Variants in EIF4E3 observed in about 807,000 individuals in gnomAD.
EIF4E3 encodes eukaryotic translation initiation factor 4E type 3.
Under a neutral mutation model 31.7 loss-of-function variants are expected in EIF4E3, and 26 were observed. The ratio of observed to expected loss-of-function variants is 0.82; its 90% CI spans 0.60 to 1.14. EIF4E3 has a LOEUF of 1.14. EIF4E3 is among the 50% of genes most tolerant of loss of function. EIF4E3 has a pLI of 0.00. For missense variants in EIF4E3, 304 were observed against 270.9 expected, an observed-to-expected ratio of 1.12 and a Z score of -0.86; for synonymous variants, 128 against 107.7, an observed-to-expected ratio of 1.19 and a Z score of -1.17.
chr3:71,705,072 T>C (rs1200050025), intron 2 of EIF4E3, among the ~76,000 whole-genome samples: 1 of 152,158 alleles, frequency 6.6e-6, no homozygotes, highest in Non-Finnish European at 1.5e-5. Context: ...TCTTTCTCTT[T>C]TCAGTGTTGG....
chr3:71,662,257 T>G, the EIF4E3 span, among the ~76,000 whole-genome samples: 1 of 152,140 alleles, frequency 6.6e-6, no homozygotes, highest in African/African-American at 2.4e-5. Flanking sequence ...GCTGGAAGTA[T>G]TCCCTCTGGA....
Position 71,676,925 on chromosome 3 carries a change from C to T in EIF4E3, c.*7757G>A, listed in dbSNP as rs2048878847. The T allele has an allele frequency of 6.6e-6, 1 of 152,128 alleles. No homozygotes were observed. The highest frequency in any genetic ancestry group is 2.1e-4 in the South Asian group (1 of 4,824). The allele number at this position is 152,128 out of a possible 1,614,324, so 9.4% of individuals were successfully genotyped here. On this transcript the variant is annotated 3_prime_UTR_variant, in exon 7 of 7. Transcript: ENST00000425534. ...TCAAATGTTTCCTAAGATCTGAAAC[C>T]TTTCTCTAGGTCCATACTTTATATA...
chr3:71,661,720 G>T, the EIF4E3 span, among the ~76,000 whole-genome samples: 1 of 152,200 alleles, frequency 6.6e-6, no homozygotes, highest in Non-Finnish European at 1.5e-5. Flanking sequence ...TAGACATCCT[G>T]ATTCAGATCT....
In EIF4E3 at chr3:71,700,903, T is replaced by C. The variant is rs2049207329; in HGVS notation, c.250-1195A>G. On this transcript the variant is annotated intron_variant, in intron 2 of 6. Coordinates refer to ENST00000425534, the MANE Select transcript of EIF4E3 (RefSeq NM_001134651.2). Reference sequence around the variant, plus strand: ...GGATGGTGTTAGCAGGTGGGGCCCCTGGGAGGTAATCAGGTCATGAGGGTA... The same window carrying C: ...GGATGGTGTTAGCAGGTGGGGCCCCCGGGAGGTAATCAGGTCATGAGGGTA... Among the ~76,000 whole-genome samples, 4 of 152,184 alleles carry C rather than the reference T, an allele frequency of 2.6e-5. No individual in the cohort carries two copies. The South Asian group carries it at 8.3e-4, about 32-fold the overall frequency.
At chr3:71,750,961 A>C (rs1388525640) in intron 1 of EIF4E3, among the ~76,000 whole-genome samples, 1 of 151,694 alleles carries the variant, frequency 6.6e-6, no homozygotes, top group Non-Finnish European at 1.5e-5. Flanking sequence ...ACGGGGTTTC[A>C]CCGTGTTAGC....
At chr3:71,714,141 G>A (rs1419513387) in intron 1 of EIF4E3, among the ~76,000 whole-genome samples, 1 of 151,970 alleles carries the variant, frequency 6.6e-6, no homozygotes, top group Non-Finnish European at 1.5e-5. Flanking sequence ...GAACCTGGGA[G>A]GCGGAGGTTG....
At position 71,690,070 on chromosome 3, in the gene EIF4E3, C is replaced by T; in HGVS notation, c.568G>A (p.Val190Ile). 6.2e-7 allele frequency: 1 copy of T among 1,613,714 alleles called. No homozygotes were observed. The highest frequency in any genetic ancestry group is 1.3e-5 in the African/African-American group (1 of 74,940). The change falls in exon 6 of 7, where the codon GTT becomes ATT. Residue 190 changes from valine (V) to isoleucine (I), a missense_variant. By Grantham distance (29) the Val-to-Ile change is conservative. Coordinates refer to ENST00000425534, the MANE Select transcript of EIF4E3 (RefSeq NM_001134651.2). ...VNASLVGEAT[V>I]LEKIYELLPH... ...AGAAGTTCATAGATCTTTTCTAAAA[C>T]AGTCGCTTCACCCACTAAAGAGGCA...
chr3:71,704,468 A>C (rs2049262504), intron 2 of EIF4E3, among the ~76,000 whole-genome samples: 1 of 152,208 alleles, frequency 6.6e-6, no homozygotes, highest in Non-Finnish European at 1.5e-5. Flanking sequence ...AGGAGGGGTT[A>C]TTCTGGCCGG....
intron 6 of EIF4E3, 104 bp from the exon 7 acceptor site, chr3:71,684,832 T>C: frequency 8.6e-7 from 1 of 1,165,428 alleles, no homozygotes; most frequent in Non-Finnish European, 1.2e-6. Context: ...CCCCAAATGT[T>C]GGCAAGAACT....
intron 4 of EIF4E3, 81 bp downstream of exon 4, chr3:71,696,379 T>A: frequency 6.5e-7 from 1 of 1,530,644 alleles, no homozygotes; most frequent in South Asian, 1.1e-5. Flanking sequence ...ATAGGCTATC[T>A]GCAAAGCACA....
At chr3:71,726,986 G>T (rs1270000260), upstream of EIF4E3, among the ~76,000 whole-genome samples, 1 of 152,168 alleles carries the variant, frequency 6.6e-6, no homozygotes, top group East Asian at 1.9e-4. Context: ...CAATGAGGAA[G>T]ATACTATTAA....
chr3:71,716,012 T>C (rs181008587), intron 1 of EIF4E3, among the ~76,000 whole-genome samples: 1 of 152,206 alleles, frequency 6.6e-6, no homozygotes, highest in African/African-American at 2.4e-5. Flanking sequence ...AGCATAGGTG[T>C]CCCATAGCAC....
At chr3:71,733,384 T>C (rs2049727431) in intron 1 of EIF4E3, among the ~76,000 whole-genome samples, 1 of 152,218 alleles carries the variant, frequency 6.6e-6, no homozygotes, top group Non-Finnish European at 1.5e-5. Flanking sequence ...GTTTTGGGGA[T>C]TTCATTTACG....
chr3:71,669,977 C>T, the EIF4E3 span, among the ~76,000 whole-genome samples: 1 of 152,210 alleles, frequency 6.6e-6, no homozygotes, highest in Admixed American at 6.5e-5. Context: ...GGACAAGACA[C>T]AACACTGACA....
At chr3:71,661,606 A>C in the EIF4E3 span, among the ~76,000 whole-genome samples, 1 of 152,150 alleles carries the variant, frequency 6.6e-6, no homozygotes, top group Admixed American at 6.5e-5. Flanking sequence ...ATCCAACCGC[A>C]ATGGGCTCCT....
At chr3:71,697,026 T>G (rs1362768635) in intron 3 of EIF4E3, among the ~76,000 whole-genome samples, 1 of 150,870 alleles carries the variant, frequency 6.6e-6, no homozygotes, top group Non-Finnish European at 1.5e-5. Context: ...CCCCTGAATT[T>G]TTTTTTAAAG....
intron 1 of EIF4E3, among the ~76,000 whole-genome samples, chr3:71,747,989 A>T (rs999367483): frequency 2.6e-5 from 4 of 152,222 alleles, no homozygotes; most frequent in African/African-American, 9.6e-5. Flanking sequence ...ATATGCAGTG[A>T]TCATTTTTCT....
At chr3:71,703,098 A>C (rs144669749) in intron 2 of EIF4E3, among the ~76,000 whole-genome samples, 611 of 152,388 alleles carry the variant, frequency 4.0e-3, no homozygotes, top group Middle Eastern at 0.017. Context: ...ATGATGGTTA[A>C]ATGCTTTTTT....
rs147489816 is a variant in EIF4E3 at position 71,708,499 on chromosome 3, G to A, written c.249+1913C>T. On this transcript the variant is annotated intron_variant, in intron 2 of 6. Coordinates refer to ENST00000425534, the MANE Select transcript of EIF4E3 (RefSeq NM_001134651.2). ...TTAAAGGAAGTATTTCCTAGTATGT[G>A]CCTGCCTGGGTGCTTTAAATTGCTC... 2.1e-4 allele frequency among the ~76,000 whole-genome samples: 32 copies of A among 152,174 alleles called. No homozygotes were observed. In the East Asian group the frequency reaches 6.2e-3, roughly 29 times the overall value.
Sources: allele counts gnomAD v4.1 joint callset (sites outside exome capture counted in the v4.1 genomes callset), GRCh38; gene constraint gnomAD v4.1.1; transcripts MANE v1.5; gene names NCBI Gene and HGNC (gene_info 2026-07-23, HGNC 2026-07-21).